USP30: variants seen among roughly 807,000 people sequenced by gnomAD.
The protein encoded by USP30 is ubiquitin specific peptidase 30, also known as ubiquitin carboxyl-terminal hydrolase 30.
In USP30, 41 loss-of-function variants were observed where a neutral mutation model predicts 68.2. That is an observed-to-expected ratio of 0.60 (90% CI 0.47 to 0.78). The LOEUF (loss-of-function observed/expected upper bound fraction) is 0.78. USP30 is among the 30% of genes least tolerant of loss of function. USP30 has a pLI of 0.00. For synonymous variants in USP30, 229 were observed against 253.7 expected (o/e 0.90, Z 0.93); for missense variants, 522 against 649.4 (o/e 0.80, Z 2.13).
In USP30 at chr12:109,028,043, C is replaced by G. The variant is rs148490027; in HGVS notation, c.-136+487C>G. On this transcript the variant is annotated intron_variant, in intron 3 of 15. Transcript: ENST00000392784. ...ACAAGGATTCCAATTTCTGCACATT[C>G]TCCTCAACACTTGTTGATAATAGCC... 7.1e-3 allele frequency among the ~76,000 whole-genome samples: 1,084 copies of G among 152,330 alleles called. 9 individuals are homozygous for G. Among genetic ancestry groups the G allele is most frequent in the Non-Finnish European group, 0.011 (767 of 68,020 alleles).
intron 7 of USP30, among the ~76,000 whole-genome samples, chr12:109,073,877 A>T (rs1335752523): frequency 1.3e-5 from 2 of 152,206 alleles, no homozygotes; most frequent in Admixed American, 1.3e-4. Flanking sequence ...AATTTCCAAC[A>T]TCATACAAAA....
intron 3 of USP30, among the ~76,000 whole-genome samples, chr12:109,031,590 A>T (rs1445527645): frequency 6.6e-6 from 1 of 152,228 alleles, no homozygotes; most frequent in African/African-American, 2.4e-5. Context: ...CAAACAGTGG[A>T]AGCAACCCAT....
intron 3 of USP30, among the ~76,000 whole-genome samples, chr12:109,029,865 G>T (rs554488575): frequency 6.6e-6 from 1 of 152,190 alleles, no homozygotes; most frequent in African/African-American, 2.4e-5. Context: ...GGTGAGAGGG[G>T]CAACCTTTGA....
intron 11 of USP30, 132 bp downstream of exon 11, chr12:109,083,194 A>G (rs2041854232): frequency 2.3e-6 from 2 of 881,332 alleles, no homozygotes; most frequent in Non-Finnish European, 3.3e-6. Flanking sequence ...TCTTGAGAAC[A>G]GCAGGATTGG....
At chr12:109,049,835 A>G (rs1275041796), upstream of USP30, among the ~76,000 whole-genome samples, 1 of 152,124 alleles carries the variant, frequency 6.6e-6, no homozygotes, top group Non-Finnish European at 1.5e-5. Context: ...AAGAAAAAAA[A>G]AAGTTTGAAA....
Position 109,081,734 on chromosome 12 carries a change from A to G in USP30, c.781-199A>G, listed in dbSNP as rs932033745. Reference sequence around the variant, plus strand: ...CACAAGTTCGTGCAGTTACATCCTCATGCTCTAGAATCTGTCCGTAGTAGC... The same window carrying G: ...CACAAGTTCGTGCAGTTACATCCTCGTGCTCTAGAATCTGTCCGTAGTAGC... On this transcript the variant is annotated intron_variant, in intron 8 of 12. Coordinates refer to ENST00000257548, the MANE Select transcript of USP30 (RefSeq NM_032663.5). 1.3e-5 allele frequency: 8 copies of G among 620,050 alleles called. No individual in the cohort carries two copies. The South Asian group carries it at 1.4e-4, about 11-fold the overall frequency. 38.4% of individuals were successfully genotyped at this position (620,050 alleles called of 1,614,324 possible). A position where few individuals can be genotyped will look rare whatever the true frequency, so the allele number is the denominator to read the frequency against.
Position 109,052,820 on chromosome 12 carries a change from C to T in USP30, c.83+59C>T, listed in dbSNP as rs184758635. 1,283 of 1,383,484 alleles carry T rather than the reference C, an allele frequency of 9.3e-4. 14 individuals are homozygous for T. In the African/African-American group the frequency reaches 0.018, roughly 19 times the overall value. 85.7% of individuals were successfully genotyped at this position (1,383,484 alleles called of 1,614,324 possible). Reference sequence around the variant, plus strand: ...CCGGGACCAGGGTCCCCAGCTTGGGCCCGTGACGGCTTTTTCATGCCCTAG... The same window carrying T: ...CCGGGACCAGGGTCCCCAGCTTGGGTCCGTGACGGCTTTTTCATGCCCTAG... On this transcript the variant is annotated intron_variant, in intron 1 of 12. Transcript: ENST00000257548.
chr12:109,066,507 A>T (rs535644286), intron 3 of USP30, among the ~76,000 whole-genome samples: 7 of 151,988 alleles, frequency 4.6e-5, no homozygotes, highest in Non-Finnish European at 8.8e-5. Context: ...ACATGGGGGA[A>T]CCCCCATCTC....
Position 109,052,652 on chromosome 12 carries a change from C to G in USP30, c.-27C>G, listed in dbSNP as rs746424606. On this transcript the variant is annotated 5_prime_UTR_variant, in exon 1 of 13. Transcript: ENST00000257548. The stretch of plus-strand genomic sequence containing the variant: ...GCGGCGGCGGCGGTAGCGGAGGAGA[C>G]GGTTTCAGGCCTCCGGTGCGGCTGC... The G allele has an allele frequency of 1.4e-6, 2 of 1,474,788 alleles. No individual in the cohort carries two copies. Among genetic ancestry groups the G allele is most frequent in the South Asian group, 2.6e-5 (2 of 77,194 alleles). 91.4% of individuals were successfully genotyped at this position (1,474,788 alleles called of 1,614,324 possible). A position where few individuals can be genotyped will look rare whatever the true frequency, so the allele number is the denominator to read the frequency against.
intron 3 of USP30, 32 bp downstream of exon 3, chr12:109,058,140 T>C: frequency 1.3e-6 from 2 of 1,569,298 alleles, no homozygotes; most frequent in Admixed American, 3.9e-5. Flanking sequence ...GGGAATTATG[T>C]ACCTTTTCAA....
rs201681439 is a variant in USP30 at position 109,035,346 on chromosome 12, A to ATTTATTTTAT, written c.-136+7808_-136+7817dup. 2.8e-4 allele frequency among the ~76,000 whole-genome samples: 42 copies of ATTTATTTTAT among 150,806 alleles called. 1 individual carries two copies. In the South Asian group the frequency reaches 5.5e-3, roughly 20 times the overall value. On this transcript the variant is annotated intron_variant, in intron 3 of 15. Transcript: ENST00000392784. Reference sequence around the variant, plus strand: ...TTACCATTACCATTTCAATTTGTTTATTTATTTTATTTTATTTTATTTTAT... The same window carrying ATTTATTTTAT: ...TTACCATTACCATTTCAATTTGTTTATTTATTTTATTTTATTTTATTTTATTTTATTTTAT...
At chr12:109,026,890 A>G (rs879812889) in intron 2 of USP30, among the ~76,000 whole-genome samples, 2 of 152,148 alleles carry the variant, frequency 1.3e-5, no homozygotes, top group Non-Finnish European at 2.9e-5. Flanking sequence ...CTGTGCTTAC[A>G]TGCTCTTTCC....
chr12:109,049,370 G>A (rs555962982), upstream of USP30, among the ~76,000 whole-genome samples: 2 of 152,278 alleles, frequency 1.3e-5, no homozygotes, highest in Non-Finnish European at 2.9e-5. Flanking sequence ...AGAGAGGGGG[G>A]AACAGCCAGT....
chr12:109,043,432 A>G (rs896365018), intron 3 of USP30, among the ~76,000 whole-genome samples: 1 of 152,230 alleles, frequency 6.6e-6, no homozygotes, highest in Non-Finnish European at 1.5e-5. Context: ...TCTCTGGTAT[A>G]TGGTCAAAAT....
chr12:109,068,822 CT>C (rs995691708), intron 4 of USP30, among the ~76,000 whole-genome samples: 2 of 152,212 alleles, frequency 1.3e-5, no homozygotes, highest in Admixed American at 1.3e-4. Context: ...GTGAACACGT[CT>C]GTCCGGTGGC....
intron 3 of USP30, among the ~76,000 whole-genome samples, chr12:109,066,881 G>A (rs1471912160): frequency 3.3e-5 from 5 of 152,106 alleles, no homozygotes; most frequent in Non-Finnish European, 4.4e-5. Context: ...CAACCTGAAA[G>A]TTGTGAGTTA....
upstream of USP30, among the ~76,000 whole-genome samples, chr12:109,048,727 G>A (rs1044552473): frequency 5.5e-5 from 7 of 128,256 alleles, no homozygotes; most frequent in East Asian, 1.4e-3. Context: ...GCAACAGAGT[G>A]AGACTCTGTC....
rs767089295 is a variant in USP30, at chr12:109,071,631, A to G, written c.500A>G (p.His167Arg). Residue 167 changes from histidine to arginine, a missense_variant, in exon 5 of 13, where the codon CAT (histidine) becomes CGT (arginine). Transcript: ENST00000257548. ...TGACAGGATGCTCACGAATTATTCC[A>G]TGTCATTACCTCGTCATTGGAAGAT... ...FEEQDAHELF[H>R]VITSSLEDER... The G allele has an allele frequency of 6.2e-7, 1 of 1,614,142 alleles. No individual in the cohort carries two copies. Among genetic ancestry groups the G allele is most frequent in the Non-Finnish European group, 8.5e-7 (1 of 1,180,002 alleles).
intron 8 of USP30, chr12:109,081,619 G>GCGCA (rs1566105455): frequency 2.0e-6 from 1 of 490,648 alleles, no homozygotes; most frequent in Non-Finnish European, 3.5e-6. Context: ...ACGCACGCAT[G>GCGCA]CGCGCACACA....
Sources: gnomAD v4.1 joint callset for allele counts (sites outside exome capture counted in the v4.1 genomes callset) on GRCh38, gnomAD v4.1.1 for gene constraint, MANE v1.5 for transcripts, NCBI Gene and HGNC (gene_info 2026-07-23, HGNC 2026-07-21) for gene names.